PEPD: variants seen among roughly 807,000 people sequenced by gnomAD.
PEPD encodes xaa-Pro dipeptidase.
Under a neutral mutation model 60.7 loss-of-function variants are expected in PEPD, and 53 were observed. The observed-to-expected ratio is 0.87, with a 90% CI of 0.70 to 1.10. PEPD has a LOEUF of 1.10. Ranked by LOEUF, PEPD falls within the 50% of genes least tolerant of loss-of-function variation. PEPD has a pLI of 0.00. For synonymous variants in PEPD, 267 were observed against 284.1 expected (o/e 0.94, Z 0.60); for missense variants, 711 against 711.9 (o/e 1.00, Z 0.01).
intron 9 of PEPD, among the ~76,000 whole-genome samples, chr19:33,434,686 C>G (rs1034400399): frequency 4.6e-5 from 7 of 152,040 alleles, no homozygotes; most frequent in Non-Finnish European, 1.0e-4. Context: ...AAAACCCAAC[C>G]CCATTTACTG....
chr19:33,442,969 C>G (rs1969513078), intron 9 of PEPD, among the ~76,000 whole-genome samples: 1 of 152,104 alleles, frequency 6.6e-6, no homozygotes, highest in Non-Finnish European at 1.5e-5. Flanking sequence ...CCCCAGGGCC[C>G]AGAACAGCAT....
At chr19:33,472,233 C>T (rs1425973525) in intron 7 of PEPD, among the ~76,000 whole-genome samples, 1 of 151,552 alleles carries the variant, frequency 6.6e-6, no homozygotes, top group East Asian at 1.9e-4. Flanking sequence ...GAGGCTGAGG[C>T]GGGAGGATGA....
chr19:33,491,072 A>G (rs980655911), intron 5 of PEPD, among the ~76,000 whole-genome samples: 3 of 152,184 alleles, frequency 2.0e-5, no homozygotes, highest in Non-Finnish European at 2.9e-5. Flanking sequence ...ATCATCTCAC[A>G]TAAGTTTCCC....
At chr19:33,446,277 T>C (rs538905133) in intron 9 of PEPD, among the ~76,000 whole-genome samples, 1 of 152,312 alleles carries the variant, frequency 6.6e-6, no homozygotes, top group South Asian at 2.1e-4. Flanking sequence ...AATTTCTACC[T>C]TTCTCCAGCT....
chr19:33,451,578 A>G (rs1224260946), intron 9 of PEPD, among the ~76,000 whole-genome samples: 1 of 152,264 alleles, frequency 6.6e-6, no homozygotes, highest in East Asian at 1.9e-4. Context: ...AGAAAAGAGA[A>G]CAGATGCTGA....
intron 9 of PEPD, among the ~76,000 whole-genome samples, chr19:33,431,886 G>T (rs557622362): frequency 1.3e-5 from 2 of 151,542 alleles, no homozygotes; most frequent in Non-Finnish European, 2.9e-5. Flanking sequence ...CCAGCTTCTC[G>T]GGAGGCTGAG....
chr19:33,420,653 G>A (rs1256156049), intron 9 of PEPD, among the ~76,000 whole-genome samples: 5 of 152,002 alleles, frequency 3.3e-5, no homozygotes, highest in Non-Finnish European at 5.9e-5. Flanking sequence ...AGTGAGCCGA[G>A]ATCGCACCAG....
intron 9 of PEPD, among the ~76,000 whole-genome samples, chr19:33,436,294 G>A (rs1012091391): frequency 9.2e-5 from 14 of 152,082 alleles, no homozygotes; most frequent in Non-Finnish European, 2.1e-4. Flanking sequence ...AGAAGCATGG[G>A]AGGAAGAGAA....
chr19:33,490,428 T>G (rs1010592407), intron 5 of PEPD, among the ~76,000 whole-genome samples: 3 of 152,098 alleles, frequency 2.0e-5, no homozygotes, highest in African/African-American at 7.2e-5. Flanking sequence ...CCATCTTCCC[T>G]CTCCTGCACA....
rs1336469245 is a variant in PEPD, at chr19:33,493,536, T to A, written c.394-199A>T. 3 of 661,234 alleles carry A rather than the reference T, an allele frequency of 4.5e-6. No homozygotes were observed. In the South Asian group the frequency reaches 5.0e-5, roughly 11 times the overall value. 41.0% of individuals were successfully genotyped at this position (661,234 alleles called of 1,614,324 possible). On this transcript the variant is annotated intron_variant, in intron 4 of 14. Transcript: ENST00000244137. ...AGGACTTCTGAAAGCCACACAGCCATCGAGGGGCAGAGAGGATAAACCTAC... is the reference window on the plus strand; with the variant it reads ...AGGACTTCTGAAAGCCACACAGCCAACGAGGGGCAGAGAGGATAAACCTAC...
At chr19:33,419,969 G>A (rs1968977705) in intron 9 of PEPD, among the ~76,000 whole-genome samples, 1 of 152,246 alleles carries the variant, frequency 6.6e-6, no homozygotes, top group African/African-American at 2.4e-5. Context: ...AGACACAACA[G>A]ACAGGAGCAG....
chr19:33,407,685 C>T (rs1457913269), intron 11 of PEPD, among the ~76,000 whole-genome samples: 2 of 152,196 alleles, frequency 1.3e-5, no homozygotes, highest in East Asian at 1.9e-4. Flanking sequence ...AAAAAAGCAG[C>T]GAATGGCCCC....
At chr19:33,499,983 G>C (rs1228604079) in intron 4 of PEPD, among the ~76,000 whole-genome samples, 1 of 152,238 alleles carries the variant, frequency 6.6e-6, no homozygotes, top group Admixed American at 6.5e-5. Context: ...CCAGGGGAAG[G>C]GGGAAGCTGC....
At chr19:33,387,524 A>G (rs746985790) in intron 14 of PEPD, 43 bp from the exon 15 acceptor site, 2 of 1,610,764 alleles carry the variant, frequency 1.2e-6, no homozygotes, top group Non-Finnish European at 1.7e-6. Flanking sequence ...GAGCAGCCTC[A>G]TGTGCCAGGC....
At chr19:33,413,227 C>G (rs1305193348) in intron 10 of PEPD, among the ~76,000 whole-genome samples, 1 of 152,232 alleles carries the variant, frequency 6.6e-6, no homozygotes, top group Non-Finnish European at 1.5e-5. Flanking sequence ...GAGCTCACAG[C>G]CCGGTCCCCA....
intron 6 of PEPD, among the ~76,000 whole-genome samples, chr19:33,482,049 C>G (rs1483401472): frequency 1.3e-5 from 2 of 151,958 alleles, no homozygotes; most frequent in Admixed American, 6.6e-5. Flanking sequence ...ACAACAACAA[C>G]AAAAACAGAA....
At chr19:33,505,971 A>G (rs772299958) in intron 3 of PEPD, among the ~76,000 whole-genome samples, 3 of 141,308 alleles carry the variant, frequency 2.1e-5, no homozygotes, top group Non-Finnish European at 3.1e-5. Context: ...TCACACCCAC[A>G]CCCCATCACA....
intron 12 of PEPD, among the ~76,000 whole-genome samples, chr19:33,400,709 A>G (rs1176959693): frequency 6.6e-6 from 1 of 152,224 alleles, no homozygotes; most frequent in Non-Finnish European, 1.5e-5. Flanking sequence ...AAGCCCTGGA[A>G]GGCTTGAAGC....
At chr19:33,496,336 C>T (rs930733311) in intron 4 of PEPD, among the ~76,000 whole-genome samples, 11 of 152,144 alleles carry the variant, frequency 7.2e-5, no homozygotes, top group African/African-American at 2.7e-4. Context: ...CTCCTTGCAG[C>T]CCGGTGCTCA....
Sources: allele counts gnomAD v4.1 joint callset (sites outside exome capture counted in the v4.1 genomes callset), GRCh38; gene constraint gnomAD v4.1.1; transcripts MANE v1.5; gene names NCBI Gene and HGNC (gene_info 2026-07-23, HGNC 2026-07-21).